PLXNB1: variants seen among roughly 807,000 people sequenced by gnomAD.
PLXNB1 encodes plexin-B1.
A neutral mutation model predicts 209.4 loss-of-function variants in PLXNB1; 106 were observed. The observed-to-expected ratio is 0.51, with a 90% confidence interval of 0.43 to 0.59. The LOEUF is 0.59. Ranked by LOEUF, PLXNB1 falls within the 20% of genes least tolerant of loss-of-function variation. The pLI is 0.00. For missense variants in PLXNB1, 2,357 were observed against 2,853.2 expected (o/e 0.83, Z 3.96); for synonymous variants, 1,167 against 1,183.2 (o/e 0.99, Z 0.28).
intron 3 of PLXNB1, 145 bp downstream of exon 3, chr3:48,423,360 A>C: frequency 1.1e-6 from 1 of 880,978 alleles, no homozygotes; most frequent in Non-Finnish European, 1.7e-6. Context: ...TGCCCAGGCA[A>C]CATAGGAAGC....
chr3:48,409,568 C>A lies in PLXNB1; in HGVS notation c.5939+3G>T, dbSNP rs553797779. ...ACCTAGAGCCCACCCAGCTCCACCC[C>A]ACCTGTTGGTCTTCCAGATGTGGAT... is the stretch of plus-strand genomic sequence containing the variant. On this transcript the variant is annotated splice_donor_region_variant and intron_variant, in intron 33 of 37. Coordinates refer to ENST00000296440, the MANE Select transcript of PLXNB1 (RefSeq NM_001130082.3). The surrounding 1 kb of genome is among the most constrained non-coding windows in gnomAD (Gnocchi z 5.8). 51 of 1,613,768 alleles carry A rather than the reference C, an allele frequency of 3.2e-5. 2 individuals are homozygous for A. The South Asian group carries it at 5.4e-4, about 17-fold the overall frequency.
In PLXNB1 at chr3:48,416,558, C is replaced by A; in HGVS notation, c.3375-107G>T. ...TACTGTCAGGTGGTCTTCCCCTTCC[C>A]ATGCTCCATAAGATTGACAGAGACC... On this transcript the variant is annotated intron_variant, in intron 16 of 37. Transcript: ENST00000296440. This position sits in a 1 kb window ranked among gnomAD's most constrained non-coding sequence, Gnocchi z 4.1. 1 of 663,146 alleles carries A rather than the reference C, an allele frequency of 1.5e-6. No individual in the cohort carries two copies. 41.1% of individuals were successfully genotyped at this position (663,146 alleles called of 1,614,324 possible).
At chr3:48,414,111 C>A in intron 21 of PLXNB1, 40 bp from the exon 22 acceptor site, 1 of 1,596,660 alleles carries the variant, frequency 6.3e-7, no homozygotes. Context: ...CAGGACCCTT[C>A]CCTCAGATCC....
At chr3:48,427,803 G>A (rs2038972037) in intron 1 of PLXNB1, among the ~76,000 whole-genome samples, 1 of 152,172 alleles carries the variant, frequency 6.6e-6, no homozygotes, top group Non-Finnish European at 1.5e-5. Flanking sequence ...GTCCTCCCAG[G>A]CTCCTGAGGA....
Position 48,417,824 on chromosome 3 carries a change from G to T in PLXNB1, c.3374+87C>A. The stretch of plus-strand genomic sequence containing the variant: ...GGAACAGGGAGAGAGGGGGGCAGAT[G>T]AGCGGTGGGTGGGAGGCCCCAAGCA... On this transcript the variant is annotated intron_variant, in intron 16 of 37. Transcript: ENST00000296440. This position sits in a 1 kb window ranked among gnomAD's most constrained non-coding sequence, Gnocchi z 4.4. 7.3e-7 allele frequency: 1 copy of T among 1,365,494 alleles called. No individual in the cohort carries two copies. Among genetic ancestry groups the T allele is most frequent in the South Asian group, 1.3e-5 (1 of 76,732 alleles). The allele number at this position is 1,365,494 out of a possible 1,614,324, so 84.6% of individuals were successfully genotyped here.
Position 48,420,091 on chromosome 3 carries a change from A to G in PLXNB1, c.2195T>C (p.Leu732Pro), listed in dbSNP as rs770607105. Reference sequence around the variant, plus strand: ...TGCCCATGGCCCCCAGGGGCTGAGCAGGGAAGGACTAGCCCCAGGTGAGAT... The same window carrying G: ...TGCCCATGGCCCCCAGGGGCTGAGCGGGGAAGGACTAGCCCCAGGTGAGAT... ...SDISPGASPS[L>P]LSPWGPWAGS... Residue 732 changes from leucine to proline, a missense_variant, in exon 11 of 38, where the codon CTG (leucine) becomes CCG (proline). Leu to Pro is a moderately conservative substitution (Grantham distance 98). This residue lies in a region of PLXNB1 where 410 missense variants were observed against 401.0 expected (regional missense o/e 1.02). Transcript: ENST00000296440. The G allele has an allele frequency of 6.2e-7, 1 of 1,612,834 alleles. No homozygotes were observed. Among genetic ancestry groups the G allele is most frequent in the East Asian group, 2.2e-5 (1 of 44,802 alleles).
intron 25 of PLXNB1, 33 bp downstream of exon 25, chr3:48,412,708 CA>C: frequency 1.9e-6 from 3 of 1,607,648 alleles, no homozygotes; most frequent in African/African-American, 1.3e-5. Context: ...GGGGCAGGGC[CA>C]GGGGCAGGCC....
chr3:48,412,580 C>G lies in PLXNB1; in HGVS notation c.4895G>C (p.Arg1632Pro). The change falls in exon 26 of 38, where the codon CGG becomes CCG. Residue 1632 changes from arginine to proline, a missense_variant. Physicochemically the swap from Arg to Pro is moderately radical, Grantham distance 103. Transcript: ENST00000296440. ...TLESQRTFSA[R>P]DRAYVASLLT... ...CAGAGATGCCACGTAGGCACGGTCC[C>G]GAGCTGAAAAGGTGCGCTGGCTCTC... 1 of 1,613,580 alleles carries G rather than the reference C, an allele frequency of 6.2e-7. No homozygotes were observed. Among genetic ancestry groups the G allele is most frequent in the African/African-American group, 1.3e-5 (1 of 75,048 alleles).
intron 37 of PLXNB1, 104 bp from the exon 38 acceptor site, chr3:48,404,694 G>A: frequency 6.9e-6 from 5 of 721,374 alleles, no homozygotes; most frequent in Non-Finnish European, 9.1e-6. Flanking sequence ...TGGGGTAGGA[G>A]GCCAAGAAAC....
At chr3:48,407,224 C>T in intron 34 of PLXNB1, 133 bp from the exon 35 acceptor site, 1 of 798,626 alleles carries the variant, frequency 1.3e-6, no homozygotes, top group South Asian at 1.7e-5. Context: ...CCAGGAAGCC[C>T]CTGAGTCCCG....
In PLXNB1 at chr3:48,418,195, T is replaced by C. The variant is rs2038226148; in HGVS notation, c.3218A>G (p.His1073Arg). ...ATGGCCAGCCTTTCAACAAACCGAGTGGATGAGGGGCGCTGGGCACTGGGT... is the reference window on the plus strand; with the variant it reads ...ATGGCCAGCCTTTCAACAAACCGAGCGGATGAGGGGCGCTGGGCACTGGGT... The part of the protein sequence containing the change: ...VATQCPAPLI[H>R]SVEPLTGPVD... The change falls in exon 15 of 38, where the codon CAC (histidine) becomes CGC (arginine). Residue 1073 changes from histidine (H) to arginine (R), a missense_variant. Transcript: ENST00000296440. This position sits in a 1 kb window ranked among gnomAD's most constrained non-coding sequence, Gnocchi z 6.6. The C allele has an allele frequency of 6.2e-7, 1 of 1,610,346 alleles. No homozygotes were observed. The highest frequency in any genetic ancestry group is 8.5e-7 in the Non-Finnish European group (1 of 1,178,642).
chr3:48,410,633 C>A lies in PLXNB1; in HGVS notation c.5417-75G>T, dbSNP rs2037619341. On this transcript the variant is annotated intron_variant, in intron 29 of 37. Coordinates refer to ENST00000296440, the MANE Select transcript of PLXNB1 (RefSeq NM_001130082.3). This position sits in a 1 kb window ranked among gnomAD's most constrained non-coding sequence, Gnocchi z 6.4. ...ATAGTGGAGCCCATCTCCTCCTCCA[C>A]AGGGACACCAGCCCCTCCATCATGG... 2.4e-6 allele frequency: 3 copies of A among 1,243,378 alleles called. No homozygotes were observed. The highest frequency in any genetic ancestry group is 3.5e-6 in the Non-Finnish European group (3 of 855,612). 77.0% of individuals were successfully genotyped at this position (1,243,378 alleles called of 1,614,324 possible).
Position 48,424,377 on chromosome 3 carries a change from A to C in PLXNB1, c.235T>G (p.Cys79Gly). The C allele has an allele frequency of 6.4e-7, 1 of 1,556,112 alleles. No homozygotes were observed. Residue 79 changes from cysteine (C) to glycine (G), a missense_variant, in exon 3 of 38, where the codon TGC becomes GGC. Physicochemically the swap from Cys to Gly is radical, Grantham distance 159. Coordinates refer to ENST00000296440, the MANE Select transcript of PLXNB1 (RefSeq NM_001130082.3). ...STGPVLDSRDCLPPVMPDECP... is the reference protein window; with the variant it reads ...STGPVLDSRDGLPPVMPDECP... Reference sequence around the variant, plus strand: ...TCATCAGGCATCACAGGTGGCAGGCAGTCCCTGCTGTCTAGCACAGGGCCG... The same window carrying C: ...TCATCAGGCATCACAGGTGGCAGGCCGTCCCTGCTGTCTAGCACAGGGCCG...
rs1409508454 is a variant in PLXNB1, at chr3:48,404,332, G to A, written c.*154C>T. 25 of 592,906 alleles carry A rather than the reference G, an allele frequency of 4.2e-5. No individual in the cohort carries two copies. Among genetic ancestry groups the A allele is most frequent in the Non-Finnish European group, 2.4e-5 (8 of 335,432 alleles). The allele number at this position is 592,906 out of a possible 1,614,324, so 36.7% of individuals were successfully genotyped here. A position where few individuals can be genotyped will look rare whatever the true frequency, so the allele number is the denominator to read the frequency against. ...CCGGGTCTAGGAGGTGGATCCAGCA[G>A]GGCCGAGGCCAGAGCCACCAGGAGA... On this transcript the variant is annotated 3_prime_UTR_variant, in exon 38 of 38. Transcript: ENST00000296440.
At position 48,404,324 on chromosome 3, in the gene PLXNB1, A is replaced by G; in HGVS notation, c.*162T>C. The G allele has an allele frequency of 1.7e-6, 1 of 588,214 alleles. No individual in the cohort carries two copies. The highest frequency in any genetic ancestry group is 3.0e-6 in the Non-Finnish European group (1 of 332,126). The allele number at this position is 588,214 out of a possible 1,614,324, so 36.4% of individuals were successfully genotyped here. On this transcript the variant is annotated 3_prime_UTR_variant, in exon 38 of 38. Coordinates refer to ENST00000296440, the MANE Select transcript of PLXNB1 (RefSeq NM_001130082.3). ...TTGAGGCCCCGGGTCTAGGAGGTGG[A>G]TCCAGCAGGGCCGAGGCCAGAGCCA...
At chr3:48,428,924 GC>G (rs2039038778) in intron 1 of PLXNB1, among the ~76,000 whole-genome samples, 1 of 151,682 alleles carries the variant, frequency 6.6e-6, no homozygotes, top group African/African-American at 2.4e-5. Flanking sequence ...TCCCCACTCG[GC>G]TCGTCCTTGA....
In PLXNB1 at chr3:48,410,950, G is replaced by C; in HGVS notation, c.5334C>G (p.Ser1778=). The part of the protein sequence containing the change: ...PVKVLDCDTI[S]QAKEKMLDQL... ...GGTCCAGCATCTTCTCCTTTGCCTG[G>C]GAGATGGTGTCACAGTCTAGGACCT... The change falls in exon 29 of 38, where the codon TCC becomes TCG. Residue 1778 remains serine (S), a synonymous_variant. Transcript: ENST00000296440. This position sits in a 1 kb window ranked among gnomAD's most constrained non-coding sequence, Gnocchi z 6.4. 1.2e-6 allele frequency: 2 copies of C among 1,613,950 alleles called. No individual in the cohort carries two copies. Among genetic ancestry groups the C allele is most frequent in the African/African-American group, 2.7e-5 (2 of 75,030 alleles).
In PLXNB1 at chr3:48,415,226, C is replaced by T. The variant is rs144825092; in HGVS notation, c.3916G>A (p.Val1306Met). ...PSQGLGRRRR[V>M]VPETACSLGP... ...AGGGAACATGCCGTCTCCGGGACCACGCGACGCCTCCGTCCAAGCCCCTGG... is the reference window on the plus strand; with the variant it reads ...AGGGAACATGCCGTCTCCGGGACCATGCGACGCCTCCGTCCAAGCCCCTGG... The change falls in exon 20 of 38, where the codon GTG becomes ATG. Residue 1306 changes from valine (V) to methionine (M), a missense_variant. Val to Met is a conservative substitution (Grantham distance 21). Around this residue, in one of 7 missense-constraint regions of PLXNB1, gnomAD observed 743 missense variants for 896.2 expected, o/e 0.83. Coordinates refer to ENST00000296440, the MANE Select transcript of PLXNB1 (RefSeq NM_001130082.3). This position sits in a 1 kb window ranked among gnomAD's most constrained non-coding sequence, Gnocchi z 5.0. 3.2e-5 allele frequency: 51 copies of T among 1,613,482 alleles called. No individual in the cohort carries two copies. Among genetic ancestry groups the T allele is most frequent in the Middle Eastern group, 1.6e-4 (1 of 6,062 alleles).
Position 48,418,032 on chromosome 3 carries a change from C to T in PLXNB1, c.3253G>A (p.Gly1085Ser), listed in dbSNP as rs1441398073. The T allele has an allele frequency of 3.7e-6, 6 of 1,613,358 alleles. No homozygotes were observed. The Admixed American group carries it at 6.7e-5, about 18-fold the overall frequency. ...VEPLTGPVDGGTRVTIRGSNL... is the reference protein window; with the variant it reads ...VEPLTGPVDGSTRVTIRGSNL... ...GAGCCCCTGATGGTGACACGGGTGCCTCCGTCTACAGGCCCAGTCAGTGGC... is the reference window on the plus strand; with the variant it reads ...GAGCCCCTGATGGTGACACGGGTGCTTCCGTCTACAGGCCCAGTCAGTGGC... The change falls in exon 16 of 38, where the codon GGC (glycine) becomes AGC (serine). Residue 1085 changes from glycine (G) to serine (S), a missense_variant. By Grantham distance (56) the Gly-to-Ser change is moderately conservative. Around this residue, in one of 7 missense-constraint regions of PLXNB1, gnomAD observed 743 missense variants for 896.2 expected, o/e 0.83. Coordinates refer to ENST00000296440, the MANE Select transcript of PLXNB1 (RefSeq NM_001130082.3). This position sits in a 1 kb window ranked among gnomAD's most constrained non-coding sequence, Gnocchi z 6.6.
Sources: allele counts gnomAD v4.1 joint callset (sites outside exome capture counted in the v4.1 genomes callset), GRCh38; gene constraint gnomAD v4.1.1; regional missense constraint gnomAD v4.1.1; non-coding constraint Gnocchi (gnomAD v3.1); transcripts MANE v1.5; gene names NCBI Gene and HGNC (gene_info 2026-07-23, HGNC 2026-07-21).